MFHAS1: variants seen among roughly 807,000 people sequenced by gnomAD.
MFHAS1 encodes multifunctional ROCO family signaling regulator 1, also known as malignant fibrous histiocytoma-amplified sequence 1.
MFHAS1 carries 50 observed loss-of-function variants against 70.4 expected under a neutral mutation model. The ratio of observed to expected loss-of-function variants is 0.71; its 90% CI spans 0.57 to 0.90. The LOEUF is 0.90. Ranked by LOEUF, MFHAS1 falls within the 40% of genes least tolerant of loss-of-function variation. The pLI, the probability that MFHAS1 is intolerant of heterozygous loss-of-function variation, is 0.00. For missense variants in MFHAS1, 1,795 were observed against 1,347.6 expected (o/e 1.33, Z -5.20); for synonymous variants, 952 against 620.0 (o/e 1.54, Z -7.96).
chr8:8,810,592 T>C (rs1190224660), intron 1 of MFHAS1, among the ~76,000 whole-genome samples: 2 of 152,222 alleles, frequency 1.3e-5, no homozygotes, highest in Non-Finnish European at 2.9e-5. Flanking sequence ...TCTCTTCCTA[T>C]GATTTTCTAA....
At position 8,832,234 on chromosome 8, in the gene MFHAS1, T is replaced by A. The variant is rs57051071; in HGVS notation, c.2999-34743A>T. ...ACCAGAAGACTTCGACAAATTGAAA[T>A]GTTGAACTCTTGCTCTTCAAAAGAC... On this transcript the variant is annotated intron_variant, in intron 1 of 2. Coordinates refer to ENST00000276282, the MANE Select transcript of MFHAS1 (RefSeq NM_004225.3). Among the ~76,000 whole-genome samples, 1,080 of 151,526 alleles carry A rather than the reference T, an allele frequency of 7.1e-3. 16 individuals are homozygous for A. The highest frequency in any genetic ancestry group is 0.025 in the African/African-American group (1,035 of 41,340).
intron 1 of MFHAS1, among the ~76,000 whole-genome samples, chr8:8,877,063 G>A (rs1281198540): frequency 6.6e-6 from 1 of 152,120 alleles, no homozygotes; most frequent in East Asian, 1.9e-4. Context: ...ACTTTGAGAG[G>A]CCAAGGTGAG....
intron 1 of MFHAS1, among the ~76,000 whole-genome samples, chr8:8,876,224 C>G (rs1263578264): frequency 6.6e-6 from 1 of 152,220 alleles, no homozygotes. Flanking sequence ...ACTCCAAGAG[C>G]TCTTGCAACT....
At chr8:8,833,813 T>G (rs1807498233) in intron 1 of MFHAS1, among the ~76,000 whole-genome samples, 1 of 152,030 alleles carries the variant, frequency 6.6e-6, no homozygotes, top group Admixed American at 6.6e-5. Flanking sequence ...TCCCATCAAA[T>G]GAATGAACAT....
At chr8:8,812,115 T>C (rs900845899) in intron 1 of MFHAS1, among the ~76,000 whole-genome samples, 2 of 152,222 alleles carry the variant, frequency 1.3e-5, no homozygotes, top group Non-Finnish European at 2.9e-5. Context: ...GCGACTCCAA[T>C]GCCAACCTCT....
At chr8:8,853,928 G>A (rs1808337402) in intron 1 of MFHAS1, among the ~76,000 whole-genome samples, 1 of 152,186 alleles carries the variant, frequency 6.6e-6, no homozygotes, top group Admixed American at 6.5e-5. Context: ...ACACACTGGT[G>A]AAGGTGGATA....
At position 8,890,711 on chromosome 8, in the gene MFHAS1, G is replaced by GTGGCCCGGAGCAGTTCCTGGC; in HGVS notation, c.2327_2347dup (p.Ser776_Ala782dup). 2.5e-6 allele frequency: 4 copies of GTGGCCCGGAGCAGTTCCTGGC among 1,613,666 alleles called. No individual in the cohort carries two copies. Among genetic ancestry groups the GTGGCCCGGAGCAGTTCCTGGC allele is most frequent in the Non-Finnish European group, 3.4e-6 (4 of 1,179,774 alleles). On this transcript the variant is annotated inframe_insertion, in exon 1 of 3. Coordinates refer to ENST00000276282, the MANE Select transcript of MFHAS1 (RefSeq NM_004225.3). Reference sequence around the variant, plus strand: ...GCCCTCCACATACTGATGGAGCTGGGTGGCCCGGAGCAGTTCCTGGCTGGG... The same window carrying GTGGCCCGGAGCAGTTCCTGGC: ...GCCCTCCACATACTGATGGAGCTGGGTGGCCCGGAGCAGTTCCTGGCTGGCCCGGAGCAGTTCCTGGCTGGG...
At chr8:8,831,242 A>G (rs1807375422) in intron 1 of MFHAS1, among the ~76,000 whole-genome samples, 1 of 152,066 alleles carries the variant, frequency 6.6e-6, no homozygotes, top group African/African-American at 2.4e-5. Flanking sequence ...TATAGACTCT[A>G]TCTCCAATAT....
intron 1 of MFHAS1, among the ~76,000 whole-genome samples, chr8:8,852,870 AC>A (rs1257816451): frequency 6.6e-6 from 1 of 152,212 alleles, no homozygotes; most frequent in Non-Finnish European, 1.5e-5. Flanking sequence ...AGTCAAATTT[AC>A]ATTCTGGGAG....
At chr8:8,856,546 C>T (rs552330597) in intron 1 of MFHAS1, among the ~76,000 whole-genome samples, 6 of 152,150 alleles carry the variant, frequency 3.9e-5, no homozygotes, top group Admixed American at 1.3e-4. Flanking sequence ...GTGGGAAACA[C>T]TGAATATATT....
chr8:8,891,262 C>A lies in MFHAS1; in HGVS notation c.1797G>T (p.Ser599=), dbSNP rs150944602. ...ASPHAAYYGV[S]DKNLRRRKAH... Reference sequence around the variant, plus strand: ...CCTTGCGCCGTCGAAGGTTCTTGTCCGAAACGCCATAGTAGGCTGCGTGGG... The same window carrying A: ...CCTTGCGCCGTCGAAGGTTCTTGTCAGAAACGCCATAGTAGGCTGCGTGGG... The change falls in exon 1 of 3, where the codon TCG becomes TCT. Residue 599 remains serine (S), a synonymous_variant. Coordinates refer to ENST00000276282, the MANE Select transcript of MFHAS1 (RefSeq NM_004225.3). This position sits in a 1 kb window ranked among gnomAD's most constrained non-coding sequence, Gnocchi z 5.4. 6 of 1,612,024 alleles carry A rather than the reference C, an allele frequency of 3.7e-6. No homozygotes were observed. The highest frequency in any genetic ancestry group is 1.7e-5 in the Admixed American group (1 of 60,012).
intron 1 of MFHAS1, among the ~76,000 whole-genome samples, chr8:8,854,254 C>T (rs901667421): frequency 1.3e-5 from 2 of 152,082 alleles, no homozygotes; most frequent in African/African-American, 2.4e-5. Context: ...AAAATTAGGC[C>T]AGGTGCAGTG....
intron 1 of MFHAS1, among the ~76,000 whole-genome samples, chr8:8,800,934 G>T (rs1806063666): frequency 6.6e-6 from 1 of 152,078 alleles, no homozygotes; most frequent in Non-Finnish European, 1.5e-5. Flanking sequence ...TGAAATAACA[G>T]GCTGGGTGCA....
At position 8,872,022 on chromosome 8, in the gene MFHAS1, AGG is replaced by A. The variant is rs199855683; in HGVS notation, c.2998+18037_2998+18038del. ...AATGAGCTAAATCAAAGGAGGGAGA[AGG>A]AAGGAAGAGGAGGCTAAGGCAAAAA... is the stretch of plus-strand genomic sequence containing the variant. On this transcript the variant is annotated intron_variant, in intron 1 of 2. Transcript: ENST00000276282. Among the ~76,000 whole-genome samples the A allele has an allele frequency of 7.7e-3, 1,177 of 152,348 alleles. 20 individuals carry two copies. The highest frequency in any genetic ancestry group is 0.027 in the African/African-American group (1,128 of 41,568).
intron 1 of MFHAS1, among the ~76,000 whole-genome samples, chr8:8,864,630 G>C (rs924986627): frequency 6.6e-6 from 1 of 152,126 alleles, no homozygotes; most frequent in African/African-American, 2.4e-5. Flanking sequence ...CATAAAATTA[G>C]CTACTCTCTT....
intron 1 of MFHAS1, among the ~76,000 whole-genome samples, chr8:8,852,410 G>A (rs1013796293): frequency 3.3e-5 from 5 of 151,950 alleles, no homozygotes; most frequent in African/African-American, 1.2e-4. Context: ...GGAGGCGGAG[G>A]CTGCAGTGAA....
chr8:8,786,295 A>G (rs1200849026), intron 2 of MFHAS1, among the ~76,000 whole-genome samples: 3 of 152,208 alleles, frequency 2.0e-5, no homozygotes, highest in Admixed American at 6.6e-5. Context: ...CAGTTCAGCT[A>G]TAAGAGGGAA....
chr8:8,854,813 T>C (rs927208608), intron 1 of MFHAS1, among the ~76,000 whole-genome samples: 14 of 152,226 alleles, frequency 9.2e-5, no homozygotes, highest in Non-Finnish European at 2.1e-4. Flanking sequence ...GATGTATACA[T>C]GAGACCCACC....
At position 8,831,670 on chromosome 8, in the gene MFHAS1, G is replaced by A. The variant is rs564408194; in HGVS notation, c.2999-34179C>T. 4.4e-4 allele frequency among the ~76,000 whole-genome samples: 67 copies of A among 150,652 alleles called. 1 individual carries two copies. Among genetic ancestry groups the A allele is most frequent in the African/African-American group, 1.6e-3 (66 of 40,874 alleles). On this transcript the variant is annotated intron_variant, in intron 1 of 2. Coordinates refer to ENST00000276282, the MANE Select transcript of MFHAS1 (RefSeq NM_004225.3). ...ACTCGGTCGCCCAGGCTGGAGTGGT[G>A]CAATCTCAGCTCACTGCAACCTCCG...
Sources: gnomAD v4.1 joint callset for allele counts (sites outside exome capture counted in the v4.1 genomes callset) on GRCh38, gnomAD v4.1.1 for gene constraint, Gnocchi (gnomAD v3.1) non-coding constraint, MANE v1.5 for transcripts, NCBI Gene and HGNC (gene_info 2026-07-23, HGNC 2026-07-21) for gene names.